Variants in SYN3 observed in about 807,000 individuals in gnomAD.
SYN3 encodes the protein synapsin-3.
In SYN3, 35 loss-of-function variants were observed where a neutral mutation model predicts 65.8. The ratio of observed to expected loss-of-function variants is 0.53; its 90% CI spans 0.41 to 0.70. SYN3 has a LOEUF of 0.70. Among genes scored for constraint, SYN3 ranks in the 30% least tolerant of loss-of-function variants. SYN3 has a pLI of 0.00. For missense variants in SYN3, 680 were observed against 749.0 expected, an observed-to-expected ratio of 0.91 and a Z score of 1.08; for synonymous variants, 270 against 292.9, an observed-to-expected ratio of 0.92 and a Z score of 0.80.
At chr22:32,521,552 T>C (rs1375288948) in intron 12 of SYN3, among the ~76,000 whole-genome samples, 1 of 150,196 alleles carries the variant, frequency 6.7e-6, no homozygotes, top group East Asian at 2.0e-4. Context: ...GGTTAAGAGA[T>C]TCTCCTGCCT....
At chr22:32,734,472 A>G (rs180672157) in intron 6 of SYN3, among the ~76,000 whole-genome samples, 132 of 152,196 alleles carry the variant, frequency 8.7e-4, no homozygotes, top group African/African-American at 2.9e-3. Context: ...TTCCCTGAGA[A>G]CTTGGAATGG....
intron 6 of SYN3, among the ~76,000 whole-genome samples, chr22:32,650,258 C>CCTCTCTCTCTCTCT (rs142803609): frequency 1.2e-5 from 1 of 86,274 alleles, no homozygotes; most frequent in Non-Finnish European, 2.0e-5. Flanking sequence ...TCCCTCCCTC[C>CCTCTCTCTCTCTCT]CTCTCTCTCT....
intron 6 of SYN3, among the ~76,000 whole-genome samples, chr22:32,729,234 C>A (rs1312121597): frequency 6.6e-6 from 1 of 152,198 alleles, no homozygotes; most frequent in African/African-American, 2.4e-5. Context: ...GAGAGCAGTG[C>A]ATGGCACAAA....
chr22:32,773,387 A>G (rs112495138), intron 6 of SYN3, among the ~76,000 whole-genome samples: 5,281 of 139,636 alleles, frequency 0.038, 325 homozygotes, highest in African/African-American at 0.14. Context: ...AGTCTGGGCA[A>G]CGGAGCCAGA....
intron 3 of SYN3, among the ~76,000 whole-genome samples, chr22:32,970,050 C>G (rs1427510038): frequency 6.6e-6 from 1 of 152,160 alleles, no homozygotes; most frequent in Non-Finnish European, 1.5e-5. Context: ...GAGACTGAAG[C>G]CTAGAAACTA....
intron 4 of SYN3, among the ~76,000 whole-genome samples, chr22:32,912,201 A>G (rs1337036739): frequency 6.6e-6 from 1 of 152,246 alleles, no homozygotes; most frequent in African/African-American, 2.4e-5. Context: ...AGCTTTGGGC[A>G]CGATGGAGGT....
At chr22:33,019,535 A>G (rs1410142749) in intron 1 of SYN3, among the ~76,000 whole-genome samples, 1 of 152,216 alleles carries the variant, frequency 6.6e-6, no homozygotes, top group Non-Finnish European at 1.5e-5. Flanking sequence ...ACAAATTGAT[A>G]TGAACACTGA....
intron 6 of SYN3, among the ~76,000 whole-genome samples, chr22:32,787,962 T>C (rs1486081503): frequency 2.6e-5 from 4 of 152,102 alleles, no homozygotes; most frequent in Non-Finnish European, 4.4e-5. Flanking sequence ...AGGAGGTCAG[T>C]GTAGTGTAAA....
chr22:32,914,995 C>T (rs754832035), intron 4 of SYN3, among the ~76,000 whole-genome samples: 10 of 152,212 alleles, frequency 6.6e-5, no homozygotes, highest in East Asian at 1.9e-4. Flanking sequence ...CTTCAGGGAC[C>T]GGACAGTCTG....
chr22:32,787,164 C>T (rs2145860914), intron 6 of SYN3, among the ~76,000 whole-genome samples: 1 of 150,896 alleles, frequency 6.6e-6, no homozygotes, highest in South Asian at 2.1e-4. Context: ...TGTCCTGTAT[C>T]AGCCTCCCAA....
intron 6 of SYN3, among the ~76,000 whole-genome samples, chr22:32,627,055 A>G (rs537059737): frequency 6.6e-5 from 10 of 152,088 alleles, no homozygotes; most frequent in Non-Finnish European, 1.2e-4. Context: ...AGGGCCTGCC[A>G]CTGGCTGGGG....
At chr22:32,971,672 G>A (rs935875139) in intron 3 of SYN3, among the ~76,000 whole-genome samples, 16 of 152,170 alleles carry the variant, frequency 1.1e-4, no homozygotes, top group African/African-American at 3.9e-4. Flanking sequence ...GACCAGAAGA[G>A]TCTTACGGAT....
intron 10 of SYN3, among the ~76,000 whole-genome samples, chr22:32,530,787 G>A (rs1159656714): frequency 1.3e-5 from 2 of 151,814 alleles, no homozygotes; most frequent in African/African-American, 4.8e-5. Flanking sequence ...GGCGGATCAC[G>A]AGGTCAGGAG....
chr22:32,763,145 G>C (rs755489470), intron 6 of SYN3, among the ~76,000 whole-genome samples: 1 of 8,900 alleles, frequency 1.1e-4, no homozygotes, highest in Non-Finnish European at 2.0e-4. Flanking sequence ...TCTATTTTTT[G>C]TTGTTGTTGT....
intron 6 of SYN3, among the ~76,000 whole-genome samples, chr22:32,752,534 T>G (rs1303105077): frequency 6.6e-6 from 1 of 152,224 alleles, no homozygotes; most frequent in Non-Finnish European, 1.5e-5. Flanking sequence ...TATAATACAA[T>G]GACTGCTTCT....
chr22:32,959,148 C>A (rs1044131191), intron 3 of SYN3, among the ~76,000 whole-genome samples: 5 of 152,040 alleles, frequency 3.3e-5, no homozygotes, highest in Non-Finnish European at 5.9e-5. Flanking sequence ...GGGGTTAGTT[C>A]CCCCATACTA....
chr22:32,705,327 C>T (rs192145698), intron 6 of SYN3, among the ~76,000 whole-genome samples: 1 of 152,112 alleles, frequency 6.6e-6, no homozygotes, highest in East Asian at 1.9e-4. Flanking sequence ...TTCCCCATTG[C>T]TTGTTTTTGT....
At chr22:32,785,303 A>AT (rs1477418727) in intron 6 of SYN3, among the ~76,000 whole-genome samples, 2 of 151,962 alleles carry the variant, frequency 1.3e-5, no homozygotes, top group Non-Finnish European at 2.9e-5. Flanking sequence ...ACAACTTGCC[A>AT]TTTTTTTCCT....
intron 6 of SYN3, among the ~76,000 whole-genome samples, chr22:32,792,981 G>A (rs9621570): frequency 0.044 from 6,766 of 152,172 alleles, 501 homozygotes; most frequent in African/African-American, 0.15. Flanking sequence ...TTGAGCCTCC[G>A]TTTCCTTGAC....
Sources: gnomAD v4.1 joint callset for allele counts (sites outside exome capture counted in the v4.1 genomes callset) on GRCh38, gnomAD v4.1.1 for gene constraint, MANE v1.5 for transcripts, NCBI Gene and HGNC (gene_info 2026-07-23, HGNC 2026-07-21) for gene names.